The following HEMK1 variants were observed in gnomAD, a reference collection of about 807,000 sequenced individuals.
HEMK1 encodes MTRF1L release factor glutamine methyltransferase.
HEMK1 carries 36 observed loss-of-function variants against 47.9 expected under a neutral mutation model. The ratio of observed to expected loss-of-function variants is 0.75; its 90% CI spans 0.58 to 0.99. The LOEUF (loss-of-function observed/expected upper bound fraction) is 0.99, where lower values mean the gene tolerates loss of function less well. Among genes scored for constraint, HEMK1 ranks in the 50% least tolerant of loss-of-function variants. HEMK1 has a pLI of 0.00. For synonymous variants in HEMK1, 153 were observed against 165.4 expected (o/e 0.93, Z 0.57); for missense variants, 383 against 434.5 (o/e 0.88, Z 1.05).
chr3:50,572,072 C>T lies in HEMK1; in HGVS notation c.321-43C>T, dbSNP rs200842001. 5.1e-4 allele frequency: 817 copies of T among 1,611,910 alleles called. 1 individual carries two copies. Among genetic ancestry groups the T allele is most frequent in the Non-Finnish European group, 6.2e-4 (735 of 1,179,082 alleles). On this transcript the variant is annotated intron_variant, in intron 3 of 10. Coordinates refer to ENST00000232854, the MANE Select transcript of HEMK1 (RefSeq NM_016173.5). ...TCAACCCAGGCATGGTCCTGTTGGT[C>T]CTAGCTCTGTCCCTGATGACCACCC... is the stretch of plus-strand genomic sequence containing the variant.
rs1455751402 is a variant in HEMK1 at position 50,589,627 on chromosome 3, T to G, written c.*9210T>G. 1.3e-5 allele frequency: 2 copies of G among 152,228 alleles called. No homozygotes were observed. The highest frequency in any genetic ancestry group is 4.8e-5 in the African/African-American group (2 of 41,454). The allele number at this position is 152,228 out of a possible 1,614,324, so 9.4% of individuals were successfully genotyped here. On this transcript the variant is annotated 3_prime_UTR_variant, in exon 11 of 11. Transcript: ENST00000232854. ...AAAAATAATTTTAGGCCGGGCGCGG[T>G]GGCTCACGCCTGTAATCCCAGCACT...
chr3:50,573,422 C>T (rs1701240565), intron 4 of HEMK1, among the ~76,000 whole-genome samples: 1 of 152,228 alleles, frequency 6.6e-6, no homozygotes, highest in Admixed American at 6.5e-5. Context: ...TTTGCTGTCT[C>T]CGGCTTCCCA....
chr3:50,570,161 G>C (rs1173534594), intron 1 of HEMK1: 1 of 152,226 alleles, frequency 6.6e-6, no homozygotes, highest in Non-Finnish European at 1.5e-5. Context: ...GTTTCTACCT[G>C]AGTGACGCTG....
intron 2 of HEMK1, 177 bp downstream of exon 2, chr3:50,571,509 C>T (rs2107378360): frequency 1.5e-6 from 1 of 676,210 alleles, no homozygotes; most frequent in South Asian, 1.8e-5. Context: ...GAATATATCT[C>T]TGCCTAAGTG....
chr3:50,578,259 G>A (rs888195430), intron 7 of HEMK1, among the ~76,000 whole-genome samples: 1 of 152,230 alleles, frequency 6.6e-6, no homozygotes, highest in African/African-American at 2.4e-5. Context: ...TCCAGGCACT[G>A]CACAGCTCAG....
chr3:50,579,164 G>C (rs897797234), intron 8 of HEMK1, among the ~76,000 whole-genome samples: 2 of 152,200 alleles, frequency 1.3e-5, no homozygotes, highest in African/African-American at 4.8e-5. Flanking sequence ...CCTGTTTCCT[G>C]CCTCTAGAAA....
At chr3:50,571,465 C>T in intron 2 of HEMK1, 133 bp downstream of exon 2, 2 of 707,914 alleles carry the variant, frequency 2.8e-6, no homozygotes, top group Non-Finnish European at 4.8e-6. Flanking sequence ...CGTCTTAGCG[C>T]CTGGCACACA....
rs773161283 is a variant in HEMK1, at chr3:50,577,560, G to A, written c.601G>A (p.Glu201Lys). The change falls in exon 6 of 11, where the codon GAG (glutamate) becomes AAG (lysine). Residue 201 changes from glutamate (E) to lysine (K), a missense_variant. Transcript: ENST00000232854. ...GGAAGCTGCTATCTCTCTGACCCAT[G>A]AGAATGCTCAGAGGTAGGTGGGGGA... ...KREAAISLTH[E>K]NAQRLRLQDR... The A allele has an allele frequency of 3.3e-5, 54 of 1,613,930 alleles. No individual in the cohort carries two copies. Among genetic ancestry groups the A allele is most frequent in the African/African-American group, 1.1e-4 (8 of 74,922 alleles).
At chr3:50,579,079 C>T (rs1161445615) in intron 8 of HEMK1, among the ~76,000 whole-genome samples, 153 bp downstream of exon 8, 1 of 152,204 alleles carries the variant, frequency 6.6e-6, no homozygotes, top group Non-Finnish European at 1.5e-5. Context: ...CACAGTCCTA[C>T]CTAGATTCAG....
At position 50,590,819 on chromosome 3, in the gene HEMK1, T is replaced by G. The variant is rs2031683963; in HGVS notation, c.*10402T>G. The G allele has an allele frequency of 6.6e-6, 1 of 152,210 alleles. No homozygotes were observed. The highest frequency in any genetic ancestry group is 6.5e-5 in the Admixed American group (1 of 15,280). The allele number at this position is 152,210 out of a possible 1,614,324, so 9.4% of individuals were successfully genotyped here. ...AAGTACTCCATGAGTAGACATGGGCTAGGGACTTACCCAGGCCCTTGGTGG... is the reference window on the plus strand; with the variant it reads ...AAGTACTCCATGAGTAGACATGGGCGAGGGACTTACCCAGGCCCTTGGTGG... On this transcript the variant is annotated 3_prime_UTR_variant, in exon 11 of 11. Transcript: ENST00000232854.
rs2107518483 is a variant in HEMK1, at chr3:50,583,497, G to T, written c.*3080G>T. The T allele has an allele frequency of 1.3e-5, 2 of 152,442 alleles. No homozygotes were observed. The highest frequency in any genetic ancestry group is 6.8e-3 in the Middle Eastern group (2 of 294). 9.4% of individuals were successfully genotyped at this position (152,442 alleles called of 1,614,324 possible). A position where few individuals can be genotyped will look rare whatever the true frequency, so the allele number is the denominator to read the frequency against. Reference sequence around the variant, plus strand: ...GGGCCCCTCCCAAGGCCCCATCAGTGCTCTGAGTAGGCTGTCATCAGAACA... The same window carrying T: ...GGGCCCCTCCCAAGGCCCCATCAGTTCTCTGAGTAGGCTGTCATCAGAACA... On this transcript the variant is annotated 3_prime_UTR_variant, in exon 11 of 11. Transcript: ENST00000232854.
Position 50,572,225 on chromosome 3 carries a change from G to A in HEMK1, c.414+17G>A. On this transcript the variant is annotated intron_variant, in intron 4 of 10. Transcript: ENST00000232854. ...GAAACAGAGGTAGGTGTGCCACCAG[G>A]GCAAGGCAGGATCAGGATGATGGTG... 3.2e-6 allele frequency: 5 copies of A among 1,560,866 alleles called. No homozygotes were observed. Among genetic ancestry groups the A allele is most frequent in the Non-Finnish European group, 4.4e-6 (5 of 1,141,066 alleles).
chr3:50,574,241 T>A (rs1172245363), intron 4 of HEMK1, among the ~76,000 whole-genome samples: 3 of 152,198 alleles, frequency 2.0e-5, no homozygotes, highest in African/African-American at 4.8e-5. Context: ...CCAGCATGGC[T>A]TTTAGTCTTG....
rs1187723871 is a variant in HEMK1, at chr3:50,583,821, C to T, written c.*3404C>T. The T allele has an allele frequency of 6.6e-6, 1 of 152,416 alleles. No individual in the cohort carries two copies. The highest frequency in any genetic ancestry group is 1.5e-5 in the Non-Finnish European group (1 of 68,146). The allele number at this position is 152,416 out of a possible 1,614,324, so 9.4% of individuals were successfully genotyped here. A position where few individuals can be genotyped will look rare whatever the true frequency, so the allele number is the denominator to read the frequency against. ...GATGCCTGCTCTGTGCTCTCCCTGC[C>T]TCCCCTAGCCCATACCTCTGCTGGC... On this transcript the variant is annotated 3_prime_UTR_variant, in exon 11 of 11. Coordinates refer to ENST00000232854, the MANE Select transcript of HEMK1 (RefSeq NM_016173.5).
chr3:50,572,002 C>T (rs2107389856), intron 3 of HEMK1, 113 bp from the exon 4 acceptor site: 1 of 1,535,148 alleles, frequency 6.5e-7, no homozygotes, highest in Admixed American at 1.9e-5. Flanking sequence ...TCCCAAGGCC[C>T]TGGAGACATG....
At position 50,586,114 on chromosome 3, in the gene HEMK1, A is replaced by C. The variant is rs1040882124; in HGVS notation, c.*5697A>C. On this transcript the variant is annotated 3_prime_UTR_variant, in exon 11 of 11. Coordinates refer to ENST00000232854, the MANE Select transcript of HEMK1 (RefSeq NM_016173.5). ...AGAGCAGGATTTCCCCCGCTTGCGG[A>C]ATGAGTGGGTGCCTTCCCCTCTGAG... 4.6e-5 allele frequency: 7 copies of C among 152,200 alleles called. No individual in the cohort carries two copies. Among genetic ancestry groups the C allele is most frequent in the Non-Finnish European group, 5.9e-5 (4 of 68,058 alleles). 9.4% of individuals were successfully genotyped at this position (152,200 alleles called of 1,614,324 possible). A position where few individuals can be genotyped will look rare whatever the true frequency, so the allele number is the denominator to read the frequency against.
In HEMK1 at chr3:50,584,579, A is replaced by C. The variant is rs1253934955; in HGVS notation, c.*4162A>C. ...AACAATGGAAGCAGAGGTCAGAGTG[A>C]TGCAATTGCTGGAGGAAGAGCCATG... On this transcript the variant is annotated 3_prime_UTR_variant, in exon 11 of 11. Transcript: ENST00000232854. The C allele has an allele frequency of 2.0e-5, 3 of 152,290 alleles. No individual in the cohort carries two copies. Among genetic ancestry groups the C allele is most frequent in the Non-Finnish European group, 2.9e-5 (2 of 68,016 alleles). The allele number at this position is 152,290 out of a possible 1,614,324, so 9.4% of individuals were successfully genotyped here.
Position 50,571,131 on chromosome 3 carries a change from G to A in HEMK1, c.27G>A (p.Trp9Ter). 1 of 1,607,172 alleles carries A rather than the reference G, an allele frequency of 6.2e-7. No homozygotes were observed. Among genetic ancestry groups the A allele is most frequent in the South Asian group, 1.1e-5 (1 of 90,312 alleles). ...TGGAGCTTTGGGGCCGAATGCTGTG[G>A]GCCCTCCTGTCTGGCCCAGGGAGGA... is the stretch of plus-strand genomic sequence containing the variant. MELWGRMLWALLSGPGRRG... is the reference protein window; with the variant it reads MELWGRML Residue 9 changes from tryptophan to a stop codon, truncating the protein, a stop_gained, in exon 2 of 11, where the codon TGG becomes TGA. Coordinates refer to ENST00000232854, the MANE Select transcript of HEMK1 (RefSeq NM_016173.5). LOFTEE classifies it high-confidence loss of function.
At position 50,583,337 on chromosome 3, in the gene HEMK1, C is replaced by T. The variant is rs2031034316; in HGVS notation, c.*2920C>T. On this transcript the variant is annotated 3_prime_UTR_variant, in exon 11 of 11. Coordinates refer to ENST00000232854, the MANE Select transcript of HEMK1 (RefSeq NM_016173.5). ...TTTTGCTCCTTTACCCCCACCTGGA[C>T]CCTGGGCTATTGGCTGCTCCCAATC... The T allele has an allele frequency of 6.6e-6, 1 of 152,260 alleles. No individual in the cohort carries two copies. The highest frequency in any genetic ancestry group is 6.5e-5 in the Admixed American group (1 of 15,284). The allele number at this position is 152,260 out of a possible 1,614,324, so 9.4% of individuals were successfully genotyped here. A position where few individuals can be genotyped will look rare whatever the true frequency, so the allele number is the denominator to read the frequency against.
Sources: allele counts gnomAD v4.1 joint callset (sites outside exome capture counted in the v4.1 genomes callset), GRCh38; gene constraint gnomAD v4.1.1; transcripts MANE v1.5; gene names NCBI Gene and HGNC (gene_info 2026-07-23, HGNC 2026-07-21).